DEFB124: variants seen among roughly 807,000 people sequenced by gnomAD.
The protein encoded by DEFB124 is beta-defensin 124.
For missense variants in DEFB124, 78 were observed against 83.1 expected, an observed-to-expected ratio of 0.94 and a Z score of 0.24; for synonymous variants, 38 against 36.5, an observed-to-expected ratio of 1.04 and a Z score of -0.15.
intron 2 of DEFB124, among the ~76,000 whole-genome samples, chr20:31,470,822 G>A (rs1401741536): frequency 8.0e-6 from 1 of 125,364 alleles, no homozygotes; most frequent in African/African-American, 3.0e-5. Flanking sequence ...GCGGCTGGCC[G>A]GGCGGGGTGC....
rs200815106 is a variant in DEFB124, at chr20:31,465,635, C to A, written c.87G>T (p.Lys29Asn). 6.2e-6 allele frequency: 10 copies of A among 1,614,040 alleles called. No homozygotes were observed. Among genetic ancestry groups the A allele is most frequent in the South Asian group, 1.1e-5 (1 of 91,078 alleles). The change falls in exon 3 of 3, where the codon AAG (lysine) becomes AAT (asparagine). Residue 29 changes from lysine to asparagine, a missense_variant. Transcript: ENST00000317676. ...SGRSEFKRCW[K>N]GQGACQTYCT... ...AGTAAGTTTGGCAGGCCCCTTGACC[C>A]TTCCAGCACCGTTTGAATTCACTTC... is the stretch of plus-strand genomic sequence containing the variant.
chr20:31,465,947 A>C (rs749700708), intron 2 of DEFB124, among the ~76,000 whole-genome samples: 20 of 152,126 alleles, frequency 1.3e-4, no homozygotes, highest in Non-Finnish European at 2.9e-4. Flanking sequence ...ACCTGAGGTC[A>C]GGAGTTTGAG....
At chr20:31,470,247 C>T (rs1197988208) in intron 2 of DEFB124, among the ~76,000 whole-genome samples, 107 of 126,340 alleles carry the variant, frequency 8.5e-4, no homozygotes, top group African/African-American at 3.0e-3. Context: ...GCTGGCCGGG[C>T]GGGGGGCTGA....
At chr20:31,467,743 A>G (rs1980117074) in intron 2 of DEFB124, among the ~76,000 whole-genome samples, 1 of 151,800 alleles carries the variant, frequency 6.6e-6, no homozygotes, top group Admixed American at 6.6e-5. Context: ...CCAGGTGAGG[A>G]CACTTTCTAT....
chr20:31,471,282 C>A (rs1195809895), intron 2 of DEFB124, among the ~76,000 whole-genome samples: 1 of 136,178 alleles, frequency 7.3e-6, no homozygotes, highest in Non-Finnish European at 1.6e-5. Flanking sequence ...CCCCTCACCT[C>A]CCGGACGGGG....
chr20:31,466,951 C>A (rs981420755), intron 2 of DEFB124, among the ~76,000 whole-genome samples: 7 of 151,982 alleles, frequency 4.6e-5, no homozygotes, highest in Admixed American at 6.5e-5. Flanking sequence ...GAGCTTCCAG[C>A]GTCAAGGAAG....
intron 2 of DEFB124, 158 bp downstream of exon 2, chr20:31,472,798 G>T (rs2122458223): frequency 2.7e-6 from 2 of 736,420 alleles, no homozygotes; most frequent in South Asian, 2.9e-5. Context: ...GGCTGATTTA[G>T]CAACTTGCTC....
intron 2 of DEFB124, among the ~76,000 whole-genome samples, chr20:31,470,485 C>T (rs568310056): frequency 4.4e-5 from 6 of 135,296 alleles, no homozygotes; most frequent in Non-Finnish European, 8.0e-5. Context: ...AGGGGCTCCT[C>T]ACTTCCCAGT....
chr20:31,472,891 G>C, intron 2 of DEFB124, 65 bp downstream of exon 2: 1 of 1,572,710 alleles, frequency 6.4e-7, no homozygotes. Flanking sequence ...TGAGAGTCTA[G>C]TCCTCATTTT....
At chr20:31,466,457 G>A (rs762761604) in intron 2 of DEFB124, among the ~76,000 whole-genome samples, 57 of 151,868 alleles carry the variant, frequency 3.8e-4, no homozygotes, top group African/African-American at 1.1e-3. Flanking sequence ...AAAATTAGCC[G>A]GGCCTGGTGG....
chr20:31,470,546 C>T (rs1218155749), intron 2 of DEFB124, among the ~76,000 whole-genome samples: 2 of 124,044 alleles, frequency 1.6e-5, no homozygotes, highest in Non-Finnish European at 3.4e-5. Context: ...GGCGGCTGGC[C>T]GGGCGGGGGG....
In DEFB124 at chr20:31,474,985, T is replaced by C. The variant is rs1980437812; in HGVS notation, c.-384A>G. ...TTTAGCAAGTTCCCCAAGTGGTTTTTCTGGGGGCTAATATGTTAGTGCATC... is the reference window on the plus strand; with the variant it reads ...TTTAGCAAGTTCCCCAAGTGGTTTTCCTGGGGGCTAATATGTTAGTGCATC... On this transcript the variant is annotated 5_prime_UTR_variant, in exon 1 of 3. Transcript: ENST00000317676. 6.6e-6 allele frequency among the ~76,000 whole-genome samples: 1 copy of C among 152,208 alleles called. No individual in the cohort carries two copies. The highest frequency in any genetic ancestry group is 2.1e-4 in the South Asian group (1 of 4,830).
At chr20:31,471,807 C>T (rs1426392557) in intron 2 of DEFB124, among the ~76,000 whole-genome samples, 6 of 148,734 alleles carry the variant, frequency 4.0e-5, no homozygotes, top group Admixed American at 6.6e-5. Context: ...AGACGATGGG[C>T]GGCCGGGCAG....
chr20:31,473,093 C>G (rs966313876), intron 1 of DEFB124, 55 bp from the exon 2 acceptor site: 1 of 1,525,824 alleles, frequency 6.6e-7, no homozygotes, highest in African/African-American at 1.4e-5. Flanking sequence ...CTGCTTCCAG[C>G]CCAGGCTTTA....
At chr20:31,473,267 G>A (rs1395016666) in intron 1 of DEFB124, among the ~76,000 whole-genome samples, 1 of 152,144 alleles carries the variant, frequency 6.6e-6, no homozygotes, top group Non-Finnish European at 1.5e-5. Flanking sequence ...ATTTTCTGAG[G>A]CAGTGTCTAG....
chr20:31,471,045 G>T (rs1980270189), intron 2 of DEFB124, among the ~76,000 whole-genome samples: 1 of 140,198 alleles, frequency 7.1e-6, no homozygotes, highest in Admixed American at 6.9e-5. Flanking sequence ...CGGCTGGCCG[G>T]GCGGGGGGCT....
chr20:31,473,007 G>C lies in DEFB124; in HGVS notation c.7C>G (p.Gln3Glu). The C allele has an allele frequency of 6.2e-7, 1 of 1,614,118 alleles. No individual in the cohort carries two copies. Among genetic ancestry groups the C allele is most frequent in the Non-Finnish European group, 8.5e-7 (1 of 1,180,028 alleles). ...AGAGCCACAAGGAACAGAAGCAGCT[G>C]TGTCATGGCCACGGGGCTCCTGGGG... MT[Q>E]LLLFLVALLV... The change falls in exon 2 of 3, where the codon CAG (glutamine) becomes GAG (glutamate). Residue 3 changes from glutamine to glutamate, a missense_variant. Gln to Glu is a conservative substitution (Grantham distance 29). Coordinates refer to ENST00000317676, the MANE Select transcript of DEFB124 (RefSeq NM_001037500.2).
At chr20:31,470,935 T>C (rs1049800866) in intron 2 of DEFB124, among the ~76,000 whole-genome samples, 5 of 130,556 alleles carry the variant, frequency 3.8e-5, no homozygotes, top group South Asian at 2.6e-4. Context: ...GAGGGGCTCC[T>C]CACTTCCCAG....
At chr20:31,470,702 G>T (rs1252751170) in intron 2 of DEFB124, among the ~76,000 whole-genome samples, 1 of 138,678 alleles carries the variant, frequency 7.2e-6, no homozygotes, top group Non-Finnish European at 1.6e-5. Flanking sequence ...GCTGGGCGGG[G>T]GGCTGACTCC....
Sources: allele counts gnomAD v4.1 joint callset (sites outside exome capture counted in the v4.1 genomes callset), GRCh38; gene constraint gnomAD v4.1.1; transcripts MANE v1.5; gene names NCBI Gene and HGNC (gene_info 2026-07-23, HGNC 2026-07-21).